The following HK3 variants were observed in gnomAD, a reference collection of about 807,000 sequenced individuals.
HK3 encodes the protein hexokinase 3.
A neutral mutation model predicts 91.0 loss-of-function variants in HK3; 93 were observed. The observed-to-expected ratio is 1.02, with a 90% CI of 0.86 to 1.21. HK3 has a LOEUF of 1.21. Among genes scored for constraint, HK3 ranks in the 50% most tolerant of loss-of-function variants. The probability of loss-of-function intolerance (pLI) is 0.00; values close to 1 mark genes in which losing one functional copy is unlikely to be tolerated. For missense variants in HK3, 1,235 were observed against 1,247.4 expected, an observed-to-expected ratio of 0.99 and a Z score of 0.15; for synonymous variants, 519 against 516.9, an observed-to-expected ratio of 1.00 and a Z score of -0.06.
chr5:176,886,938 A>T, intron 13 of HK3, 64 bp downstream of exon 13: 1 of 1,591,878 alleles, frequency 6.3e-7, no homozygotes. Context: ...CCTCCTGCCC[A>T]CTCCATGAAG....
chr5:176,888,209 C>T (rs1758653834), intron 10 of HK3, 123 bp downstream of exon 10: 1 of 788,720 alleles, frequency 1.3e-6, no homozygotes, highest in East Asian at 2.7e-5. Flanking sequence ...GTCTGGCCCT[C>T]CCTCTGCCTA....
chr5:176,883,828 C>T lies in HK3; in HGVS notation c.1995G>A (p.Val665=), dbSNP rs1484668899. ...LNVVAIVNDT[V]GTMMSCGYED... ...CATAGCCACAGGACATCATGGTCCC[C>T]ACCGTGTCATTGACAATGGCAACCA... The change falls in exon 15 of 19, where the codon GTG becomes GTA. Residue 665 remains valine, a synonymous_variant. Coordinates refer to ENST00000292432, the MANE Select transcript of HK3 (RefSeq NM_002115.3). 1.9e-6 allele frequency: 3 copies of T among 1,614,110 alleles called. No individual in the cohort carries two copies. Among genetic ancestry groups the T allele is most frequent in the Non-Finnish European group, 2.5e-6 (3 of 1,180,030 alleles).
chr5:176,888,608 T>C, intron 9 of HK3, 43 bp from the exon 10 acceptor site: 1 of 1,604,906 alleles, frequency 6.2e-7, no homozygotes, highest in Non-Finnish European at 8.5e-7. Flanking sequence ...GCCCAGAAGC[T>C]CCCCATCCCA....
At position 176,881,081 on chromosome 5, in the gene HK3, G is replaced by T; in HGVS notation, c.2764C>A (p.Arg922Ser). The change falls in exon 19 of 19, where the codon CGT (arginine) becomes AGT (serine). Residue 922 changes from arginine (R) to serine (S), a missense_variant. Physicochemically the swap from Arg to Ser is moderately radical, Grantham distance 110. This residue lies in a region of HK3 where 513 missense variants were observed against 477.4 expected (regional missense o/e 1.07). Transcript: ENST00000292432. ...AVACRLAQLT[R>S]V ...TCAGCCTGGAGGTTTCCTCAGACAC[G>T]AGTCAACTGCGCAAGGCGGCAGGCA... 1 of 1,602,360 alleles carries T rather than the reference G, an allele frequency of 6.2e-7. No homozygotes were observed.
At position 176,890,874 on chromosome 5, in the gene HK3, A is replaced by C; in HGVS notation, c.482T>G (p.Leu161Arg). Reference protein sequence around the residue: ...LDAQPVNKQGLQLGFSFSFPC... With the variant: ...LDAQPVNKQGRQLGFSFSFPC... Reference sequence around the variant, plus strand: ...GAAAGAGAAGCTGAAGCCAAGCTGCAGACCCTGTTTGTTCACAGGCTGCGC... The same window carrying C: ...GAAAGAGAAGCTGAAGCCAAGCTGCCGACCCTGTTTGTTCACAGGCTGCGC... The change falls in exon 5 of 19, where the codon CTG becomes CGG. Residue 161 changes from leucine (L) to arginine (R), a missense_variant. This residue lies in a region of HK3 where 717 missense variants were observed against 751.6 expected (regional missense o/e 0.95). Transcript: ENST00000292432. 1 of 1,614,116 alleles carries C rather than the reference A, an allele frequency of 6.2e-7. No homozygotes were observed. Among genetic ancestry groups the C allele is most frequent in the Non-Finnish European group, 8.5e-7 (1 of 1,180,040 alleles).
chr5:176,891,047 G>A lies in HK3; in HGVS notation c.404C>T (p.Ala135Val). ...GCAGTGAGTGCTTACCTGCTGGCCAGCACCCAGCATCACCTCTTGGGGGAT... is the reference window on the plus strand; with the variant it reads ...GCAGTGAGTGCTTACCTGCTGGCCAACACCCAGCATCACCTCTTGGGGGAT... ...FVIPQEVMLG[A>V]GQQLFDFAAH... is the part of the protein sequence containing the mutation. Residue 135 changes from alanine (A) to valine (V), a missense_variant, in exon 4 of 19, where the codon GCT (alanine) becomes GTT (valine). By Grantham distance (64) the Ala-to-Val change is moderately conservative. This residue lies in a region of HK3 where 717 missense variants were observed against 751.6 expected (regional missense o/e 0.95). Coordinates refer to ENST00000292432, the MANE Select transcript of HK3 (RefSeq NM_002115.3). 6.2e-7 allele frequency: 1 copy of A among 1,613,958 alleles called. No individual in the cohort carries two copies. The highest frequency in any genetic ancestry group is 8.5e-7 in the Non-Finnish European group (1 of 1,180,006).
chr5:176,891,245 C>G (rs1167361996), intron 3 of HK3, 54 bp from the exon 4 acceptor site: 2 of 1,613,430 alleles, frequency 1.2e-6, no homozygotes, highest in Non-Finnish European at 1.7e-6. Context: ...CCAGAGCCCT[C>G]TGCCCACTTC....
At chr5:176,891,001 C>A (rs748657777) in intron 4 of HK3, 36 bp downstream of exon 4, 17 of 1,613,616 alleles carry the variant, frequency 1.1e-5, no homozygotes, top group South Asian at 2.2e-5. Flanking sequence ...CCCAGCCAGG[C>A]CCCCAGACCC....
Position 176,881,502 on chromosome 5 carries a change from G to A in HK3, c.2427C>T (p.Ile809=), listed in dbSNP as rs1420605722. ...DSLALRQVRA[I]LEDLGLPLTS... ...TCAGGGGTAGCCCCAGATCCTCTAG[G>A]ATGGCTCGGACCTGCCGCAGGGCCA... Residue 809 remains isoleucine (I), a synonymous_variant, in exon 18 of 19, where the codon ATC becomes ATT. Transcript: ENST00000292432. The A allele has an allele frequency of 6.2e-7, 1 of 1,605,814 alleles. No individual in the cohort carries two copies. Among genetic ancestry groups the A allele is most frequent in the Non-Finnish European group, 8.5e-7 (1 of 1,179,394 alleles).
chr5:176,882,061 C>G lies in HK3; in HGVS notation c.2120G>C (p.Gly707Ala). ...CCACTCCATGTTGATGCACATGCGG[C>G]CTGAGTCCCCAGGCACGCCCGCCAC... is the stretch of plus-strand genomic sequence containing the variant. ...RNVAGVPGDS[G>A]RMCINMEWGA... is the part of the protein sequence containing the mutation. The change falls in exon 16 of 19, where the codon GGC (glycine) becomes GCC (alanine). Residue 707 changes from glycine to alanine, a missense_variant. Transcript: ENST00000292432. 6.2e-7 allele frequency: 1 copy of G among 1,613,032 alleles called. No individual in the cohort carries two copies. Among genetic ancestry groups the G allele is most frequent in the Non-Finnish European group, 8.5e-7 (1 of 1,180,030 alleles).
rs1561684046 is a variant in HK3, at chr5:176,890,945, CAGGAGAAGTG to C, written c.415-14_415-5del. ...AGTGGGCAGCAAAGTCAAAGAGCTG[CAGGAGAAGTG>C]GGGGGGCTCAGCCTTGCCCATCTGA... is the stretch of plus-strand genomic sequence containing the variant. On this transcript the variant is annotated splice_region_variant and splice_polypyrimidine_tract_variant and intron_variant, in intron 4 of 18. Transcript: ENST00000292432. 18 of 1,614,032 alleles carry C rather than the reference CAGGAGAAGTG, an allele frequency of 1.1e-5. No individual in the cohort carries two copies. The highest frequency in any genetic ancestry group is 1.6e-4 in the Middle Eastern group (1 of 6,062).
At chr5:176,894,068 G>A (rs940785457) in intron 2 of HK3, among the ~76,000 whole-genome samples, 3 of 152,166 alleles carry the variant, frequency 2.0e-5, no homozygotes, top group Non-Finnish European at 4.4e-5. Flanking sequence ...GGACTGAGAC[G>A]ACAGCAAACC....
chr5:176,899,066 T>G (rs1758978446), intron 1 of HK3, among the ~76,000 whole-genome samples: 1 of 151,966 alleles, frequency 6.6e-6, no homozygotes. Context: ...ACCCAGGAGG[T>G]CAAGGCTGGA....
intron 2 of HK3, 63 bp from the exon 3 acceptor site, chr5:176,891,613 C>T: frequency 2.6e-6 from 4 of 1,534,888 alleles, no homozygotes; most frequent in Non-Finnish European, 3.5e-6. Flanking sequence ...CTCCCCACCT[C>T]CAAACAAGGC....
intron 2 of HK3, among the ~76,000 whole-genome samples, chr5:176,892,602 G>GA (rs1361051817): frequency 6.6e-6 from 1 of 152,144 alleles, no homozygotes; most frequent in African/African-American, 2.4e-5. Context: ...TGGATTCATT[G>GA]AAGGGTCACA....
chr5:176,884,285 G>A lies in HK3; in HGVS notation c.1858-151C>T. ...ACTTTGCTGTATGGTTGAAGGCCTT[G>A]CCCTCTGCCCGCTCCCTACTCCCCA... On this transcript the variant is annotated intron_variant, in intron 13 of 18. Coordinates refer to ENST00000292432, the MANE Select transcript of HK3 (RefSeq NM_002115.3). This position sits in a 1 kb window ranked among gnomAD's most constrained non-coding sequence, Gnocchi z 4.1. 3 of 682,094 alleles carry A rather than the reference G, an allele frequency of 4.4e-6. No individual in the cohort carries two copies. The highest frequency in any genetic ancestry group is 7.7e-6 in the Non-Finnish European group (3 of 388,556). The allele number at this position is 682,094 out of a possible 1,614,324, so 42.3% of individuals were successfully genotyped here. A position where few individuals can be genotyped will look rare whatever the true frequency, so the allele number is the denominator to read the frequency against.
rs1472112219 is a variant in HK3 at position 176,884,239 on chromosome 5, C to CCCAA, written c.1858-109_1858-106dup. ...TCACAAGCCTAGGCTTTCCACCCTC[C>CCCAA]CCAAGCACAATTCCTTGCCTACTTT... is the stretch of plus-strand genomic sequence containing the variant. On this transcript the variant is annotated intron_variant, in intron 13 of 18. Transcript: ENST00000292432. This position sits in a 1 kb window ranked among gnomAD's most constrained non-coding sequence, Gnocchi z 4.1. 3 of 927,512 alleles carry CCCAA rather than the reference C, an allele frequency of 3.2e-6. No individual in the cohort carries two copies. Among genetic ancestry groups the CCCAA allele is most frequent in the Non-Finnish European group, 5.3e-6 (3 of 570,292 alleles). The allele number at this position is 927,512 out of a possible 1,614,324, so 57.5% of individuals were successfully genotyped here.
rs1225939657 is a variant in HK3, at chr5:176,883,829, AC to A, written c.1993del (p.Val665TrpfsTer4). The A allele has an allele frequency of 2.5e-6, 4 of 1,613,944 alleles. No homozygotes were observed. In the African/African-American group the frequency reaches 5.3e-5, roughly 22 times the overall value. ...ATAGCCACAGGACATCATGGTCCCC[AC>A]CGTGTCATTGACAATGGCAACCACA... ...LNVVAIVNDT[V>X]GTMMSCGYED... On this transcript the variant is annotated frameshift_variant, in exon 15 of 19. Transcript: ENST00000292432. LOFTEE classifies it high-confidence loss of function.
rs1212762022 is a variant in HK3, at chr5:176,884,092, A to G, written c.1900T>C (p.Cys634Arg). ...AGACTCACGACATCTTGGCCCTCGC[A>G]GTCTGATGCCTTGAAACCCTTGGTC... ...NWTKGFKASD[C>R]EGQDVVSLLR... is the part of the protein sequence containing the mutation. Residue 634 changes from cysteine to arginine, a missense_variant, in exon 14 of 19, where the codon TGC (cysteine) becomes CGC (arginine). By Grantham distance (180) the Cys-to-Arg change is radical (BLOSUM62 -3). Around this residue, in one of 3 missense-constraint regions of HK3, gnomAD observed 513 missense variants for 477.4 expected, o/e 1.07. Transcript: ENST00000292432. The surrounding 1 kb of genome is among the most constrained non-coding windows in gnomAD (Gnocchi z 4.1). 6.2e-7 allele frequency: 1 copy of G among 1,614,152 alleles called. No homozygotes were observed. The highest frequency in any genetic ancestry group is 1.7e-5 in the Admixed American group (1 of 60,024).
Sources: gnomAD v4.1 joint callset for allele counts (sites outside exome capture counted in the v4.1 genomes callset) on GRCh38, gnomAD v4.1.1 for gene constraint, gnomAD v4.1.1 regional missense constraint, Gnocchi (gnomAD v3.1) non-coding constraint, MANE v1.5 for transcripts, NCBI Gene and HGNC (gene_info 2026-07-23, HGNC 2026-07-21) for gene names.